The following SCIMP variants were observed in gnomAD, a reference collection of about 807,000 sequenced individuals.
The protein encoded by SCIMP is SLP adapter and CSK-interacting membrane protein.
A neutral mutation model predicts 22.0 loss-of-function variants in SCIMP; 18 were observed. The ratio of observed to expected loss-of-function variants is 0.82; its 90% CI spans 0.56 to 1.21. The LOEUF (loss-of-function observed/expected upper bound fraction) is 1.21. Among genes scored for constraint, SCIMP ranks in the 50% most tolerant of loss-of-function variants. The probability of loss-of-function intolerance (pLI) is 0.00; values close to 1 mark genes in which losing one functional copy is unlikely to be tolerated. For synonymous variants in SCIMP, 53 were observed against 62.2 expected, an observed-to-expected ratio of 0.85 and a Z score of 0.70; for missense variants, 155 against 171.2, an observed-to-expected ratio of 0.91 and a Z score of 0.53.
At chr17:5,225,076 C>T (rs2074636852) in intron 1 of SCIMP, among the ~76,000 whole-genome samples, 2 of 152,180 alleles carry the variant, frequency 1.3e-5, no homozygotes, top group African/African-American at 4.8e-5. Context: ...ATGACCAAGG[C>T]GTTTCTAGGA....
At chr17:5,225,517 T>C (rs1307154286) in intron 1 of SCIMP, among the ~76,000 whole-genome samples, 1 of 152,006 alleles carries the variant, frequency 6.6e-6, no homozygotes, top group East Asian at 1.9e-4. Context: ...TCTCATAACT[T>C]TGGGTGGCTG....
intron 1 of SCIMP, among the ~76,000 whole-genome samples, chr17:5,224,442 T>G (rs909703917): frequency 3.3e-4 from 47 of 143,702 alleles, no homozygotes; most frequent in Admixed American, 2.1e-3. Context: ...AGGCCAGTTT[T>G]TTTGTTTGTT....
rs538515577 is a variant in SCIMP at position 5,222,059 on chromosome 17, G to A, written c.146-709C>T. Among the ~76,000 whole-genome samples, 118 of 150,852 alleles carry A rather than the reference G, an allele frequency of 7.8e-4. 1 individual carries two copies. The highest frequency in any genetic ancestry group is 1.2e-3 in the Non-Finnish European group (84 of 67,846). The stretch of plus-strand genomic sequence containing the variant: ...AAAGAGCTGTGCTGAGATTACAGGC[G>A]TGGGCCACTGCACCTGGCAGGAATG... On this transcript the variant is annotated intron_variant, in intron 2 of 4. Transcript: ENST00000574081.
chr17:5,215,772 T>C (rs1412352347), intron 3 of SCIMP, among the ~76,000 whole-genome samples: 3 of 152,218 alleles, frequency 2.0e-5, no homozygotes, highest in Admixed American at 6.5e-5. Context: ...AGAGCAACAC[T>C]ATTCATAACA....
At position 5,210,765 on chromosome 17, in the gene SCIMP, C is replaced by T. The variant is rs2074520456; in HGVS notation, c.*36G>A. On this transcript the variant is annotated 3_prime_UTR_variant, in exon 5 of 5. Transcript: ENST00000574081. ...TTGTTTTAAAATAAGTTGTGTGAAC[C>T]CTCTTCAGTTTTGCCAAAAAGAAGA... The T allele has an allele frequency of 6.3e-7, 1 of 1,592,890 alleles. No individual in the cohort carries two copies. The highest frequency in any genetic ancestry group is 8.5e-7 in the Non-Finnish European group (1 of 1,172,870).
In SCIMP at chr17:5,231,917, A is replaced by G. The variant is rs370732335; in HGVS notation, c.21+2818T>C. Among the ~76,000 whole-genome samples, 856 of 152,278 alleles carry G rather than the reference A, an allele frequency of 5.6e-3. 3 individuals are homozygous for G. The highest frequency in any genetic ancestry group is 0.01 in the African/African-American group (427 of 41,558). ...AAAAAATACAAAAAATTAGCCAGGC[A>G]TGGTGGCAGGCGCCTGTAGTCCCAG... On this transcript the variant is annotated intron_variant, in intron 1 of 4. Transcript: ENST00000574081.
intron 1 of SCIMP, among the ~76,000 whole-genome samples, chr17:5,228,002 G>A (rs1237751686): frequency 8.6e-5 from 13 of 151,894 alleles, no homozygotes; most frequent in African/African-American, 2.7e-4. Context: ...GTGAAACCCC[G>A]TCTCTACTAA....
chr17:5,234,550 A>G, intron 1 of SCIMP, 185 bp downstream of exon 1: 1 of 634,070 alleles, frequency 1.6e-6, no homozygotes, highest in Non-Finnish European at 2.8e-6. Context: ...AGTTACCAGT[A>G]GAGCAGATCC....
chr17:5,226,048 T>G (rs974064041), intron 1 of SCIMP, among the ~76,000 whole-genome samples: 8 of 152,106 alleles, frequency 5.3e-5, no homozygotes, highest in Admixed American at 2.6e-4. Context: ...GTTGTGCTGG[T>G]GTGAGAACAG....
chr17:5,223,530 T>C, intron 1 of SCIMP, 74 bp from the exon 2 acceptor site: 1 of 1,464,570 alleles, frequency 6.8e-7, no homozygotes, highest in Non-Finnish European at 9.5e-7. Context: ...GGGGCAGTTA[T>C]CTACTGTGGG....
chr17:5,213,350 G>A (rs188970913), intron 4 of SCIMP: 12 of 544,868 alleles, frequency 2.2e-5, no homozygotes, highest in Admixed American at 2.0e-4. Flanking sequence ...AGGCTCAAGC[G>A]ATCCCCCCAC....
intron 3 of SCIMP, chr17:5,215,341 G>T (rs112989911): frequency 0.012 from 2,362 of 191,350 alleles, 58 homozygotes; most frequent in African/African-American, 0.051. Context: ...AGCCGGGCAT[G>T]GTGGCGCATG....
intron 3 of SCIMP, among the ~76,000 whole-genome samples, chr17:5,216,094 T>C (rs920963724): frequency 6.6e-6 from 1 of 152,078 alleles, no homozygotes; most frequent in Admixed American, 6.6e-5. Context: ...TCCCAGCTAC[T>C]CAGGAGACTG....
At chr17:5,232,766 A>G (rs1473413563) in intron 1 of SCIMP, among the ~76,000 whole-genome samples, 8 of 150,424 alleles carry the variant, frequency 5.3e-5, no homozygotes, top group Non-Finnish European at 1.0e-4. Context: ...GCTAGACTCC[A>G]CTGGTGCAAT....
At chr17:5,230,221 G>A (rs528326772) in intron 1 of SCIMP, among the ~76,000 whole-genome samples, 1 of 152,300 alleles carries the variant, frequency 6.6e-6, no homozygotes, top group South Asian at 2.1e-4. Context: ...TCCAAGAGAT[G>A]TTGCATGCAA....
At chr17:5,231,248 C>T (rs557130678) in intron 1 of SCIMP, among the ~76,000 whole-genome samples, 1 of 151,668 alleles carries the variant, frequency 6.6e-6, no homozygotes, top group African/African-American at 2.4e-5. Context: ...TAATCCCAGC[C>T]ACTCGGAAGG....
intron 3 of SCIMP, 131 bp downstream of exon 3, chr17:5,221,156 G>A (rs760849565): frequency 1.3e-6 from 1 of 753,634 alleles, no homozygotes; most frequent in African/African-American, 1.7e-5. Flanking sequence ...GATTTGGCAG[G>A]TGTGAAGTCT....
At chr17:5,231,743 T>C (rs2074696068) in intron 1 of SCIMP, among the ~76,000 whole-genome samples, 1 of 152,152 alleles carries the variant, frequency 6.6e-6, no homozygotes, top group African/African-American at 2.4e-5. Context: ...CATGAATAAA[T>C]GCATTCTGTG....
intron 2 of SCIMP, among the ~76,000 whole-genome samples, chr17:5,222,604 ATCATGGTGGCCAAACATGTTGGCT>A (rs1254684145): frequency 6.6e-6 from 1 of 152,142 alleles, no homozygotes; most frequent in Non-Finnish European, 1.5e-5. Flanking sequence ...AGAGAAGGCA[ATCATGGTGGCCAAACATGTTGGCT>A]GTGGATTGAG....
Sources: gnomAD v4.1 joint callset for allele counts (sites outside exome capture counted in the v4.1 genomes callset) on GRCh38, gnomAD v4.1.1 for gene constraint, MANE v1.5 for transcripts, NCBI Gene and HGNC (gene_info 2026-07-23, HGNC 2026-07-21) for gene names.